Variants in TENM3 observed in about 807,000 individuals in gnomAD.
TENM3 encodes the protein teneurin transmembrane protein 3, also known as teneurin-3.
In TENM3, 63 loss-of-function variants were observed where a neutral mutation model predicts 255.1. That is an observed-to-expected ratio of 0.25 (90% confidence interval 0.20 to 0.30). The LOEUF (loss-of-function observed/expected upper bound fraction) is 0.30. Ranked by LOEUF, TENM3 falls within the 10% of genes least tolerant of loss-of-function variation. The probability of loss-of-function intolerance (pLI) is 1.00; values close to 1 mark genes in which losing one functional copy is unlikely to be tolerated. For missense variants in TENM3, 2,929 were observed against 3,461.1 expected (o/e 0.85, Z 3.86); for synonymous variants, 1,306 against 1,322.3 (o/e 0.99, Z 0.27).
Position 182,189,962 on chromosome 4 carries a change from T to C in TENM3, c.-76+45208T>C, listed in dbSNP as rs912755017. Among the ~76,000 whole-genome samples the C allele has an allele frequency of 3.3e-5, 5 of 152,226 alleles. No homozygotes were observed. The East Asian group carries it at 9.6e-4, about 29-fold the overall frequency. ...TTAGGGTGGTTTTTGTTTGCTTGTT[T>C]TGTTTTGGGAATTCTAATTTTCTTA... is the stretch of plus-strand genomic sequence containing the variant. On this transcript the variant is annotated intron_variant, in intron 1 of 2. Transcript: ENST00000512480.
the TENM3 span, among the ~76,000 whole-genome samples, chr4:181,512,805 A>G: frequency 6.6e-6 from 1 of 152,218 alleles, no homozygotes; most frequent in African/African-American, 2.4e-5. Context: ...TCCAGTTCCT[A>G]TGTAATGCAT....
At chr4:182,605,507 A>C (rs1748329721) in intron 4 of TENM3, among the ~76,000 whole-genome samples, 2 of 151,930 alleles carry the variant, frequency 1.3e-5, no homozygotes, top group South Asian at 2.1e-4. Context: ...AAAAAGGGAA[A>C]GTCAACTTAA....
chr4:182,521,682 T>A (rs932941025), intron 3 of TENM3, among the ~76,000 whole-genome samples: 3 of 152,230 alleles, frequency 2.0e-5, no homozygotes, highest in African/African-American at 7.2e-5. Flanking sequence ...CATTTATTTT[T>A]AAATAATTCC....
intron 3 of TENM3, among the ~76,000 whole-genome samples, chr4:182,356,862 C>T (rs1765581523): frequency 1.5e-5 from 2 of 133,620 alleles, no homozygotes; most frequent in Non-Finnish European, 3.2e-5. Context: ...TGCTCTCCCT[C>T]CTCCCTCCCC....
the TENM3 span, among the ~76,000 whole-genome samples, chr4:181,671,426 T>C: frequency 6.6e-6 from 1 of 152,152 alleles, no homozygotes; most frequent in African/African-American, 2.4e-5. Flanking sequence ...CAGAGTGTGA[T>C]CTTGAGAGCA....
the TENM3 span, among the ~76,000 whole-genome samples, chr4:181,948,980 C>T: frequency 2.0e-5 from 3 of 151,718 alleles, no homozygotes; most frequent in African/African-American, 7.3e-5. Flanking sequence ...AATATGTGCA[C>T]AGGACTCTCA....
rs1352161427 is a variant in TENM3, at chr4:182,628,721, G to T, written c.820G>T (p.Ala274Ser). Residue 274 changes from alanine (A) to serine (S), a missense_variant, in exon 5 of 28, where the codon GCA becomes TCA. Physicochemically the swap from Ala to Ser is moderately conservative, Grantham distance 99 (BLOSUM62 1). Coordinates refer to ENST00000511685, the MANE Select transcript of TENM3 (RefSeq NM_001080477.4). ...FSTATPGYTM[A>S]SGSVYSPPTR... ...TACTGCAACCCCAGGATACACAATG[G>T]CATCTGGCTCTGTTTATTCACCACC... 2 of 1,608,844 alleles carry T rather than the reference G, an allele frequency of 1.2e-6. No individual in the cohort carries two copies. The highest frequency in any genetic ancestry group is 1.7e-6 in the Non-Finnish European group (2 of 1,177,560).
At chr4:182,665,939 G>A (rs533925378) in intron 6 of TENM3, among the ~76,000 whole-genome samples, 23 of 152,134 alleles carry the variant, frequency 1.5e-4, no homozygotes, top group Middle Eastern at 3.4e-3. Flanking sequence ...CATTCTAGAT[G>A]CTATTAAGAA....
chr4:182,349,364 C>G (rs564311999), intron 3 of TENM3, among the ~76,000 whole-genome samples: 1 of 152,240 alleles, frequency 6.6e-6, no homozygotes, highest in Non-Finnish European at 1.5e-5. Flanking sequence ...TCCATAGGAA[C>G]TTTTCAGATT....
At chr4:181,767,058 C>T in the TENM3 span, among the ~76,000 whole-genome samples, 1 of 135,124 alleles carries the variant, frequency 7.4e-6, no homozygotes, top group Non-Finnish European at 1.6e-5. Context: ...CAAGACCATT[C>T]TGGCTAACAA....
At chr4:182,377,244 CTCTT>C (rs1767234633) in intron 3 of TENM3, among the ~76,000 whole-genome samples, 2 of 152,310 alleles carry the variant, frequency 1.3e-5, no homozygotes, top group Admixed American at 6.5e-5. Context: ...TTTTCAAACT[CTCTT>C]TGTTCAACAA....
intron 3 of TENM3, among the ~76,000 whole-genome samples, chr4:182,576,354 G>C (rs934114318): frequency 3.9e-5 from 6 of 152,132 alleles, no homozygotes; most frequent in African/African-American, 1.4e-4. Flanking sequence ...ACAAAGAAAG[G>C]TTTTGCTATT....
chr4:182,659,785 A>T (rs373123376), intron 6 of TENM3, among the ~76,000 whole-genome samples: 30 of 152,184 alleles, frequency 2.0e-4, no homozygotes, highest in African/African-American at 6.8e-4. Context: ...AAGCCCCTTC[A>T]GTGACCTAGA....
At chr4:181,904,267 T>C in the TENM3 span, among the ~76,000 whole-genome samples, 55 of 152,012 alleles carry the variant, frequency 3.6e-4, no homozygotes, top group Non-Finnish European at 7.4e-4. Flanking sequence ...CCCCTGACTC[T>C]CTCGTGCTTC....
At chr4:182,066,590 T>TAA in the TENM3 span, among the ~76,000 whole-genome samples, 76 of 136,324 alleles carry the variant, frequency 5.6e-4, 2 homozygotes, top group African/African-American at 2.0e-3. Flanking sequence ...AGAATTATGG[T>TAA]AAAAAAAAAA....
the TENM3 span, among the ~76,000 whole-genome samples, chr4:181,878,982 G>T: frequency 6.6e-6 from 1 of 152,240 alleles, no homozygotes; most frequent in South Asian, 2.1e-4. Context: ...GAAGGGTAGA[G>T]TTCTAGTCTA....
chr4:181,888,494 G>GTATATATATGTGTA, the TENM3 span, among the ~76,000 whole-genome samples: 33 of 28,240 alleles, frequency 1.2e-3, 2 homozygotes, highest in Non-Finnish European at 1.2e-3. Context: ...ATAGAAATGT[G>GTATATATATGTGTA]TATATATATA....
chr4:182,392,963 G>A (rs11935533), intron 3 of TENM3, among the ~76,000 whole-genome samples: 1 of 152,078 alleles, frequency 6.6e-6, no homozygotes, highest in Non-Finnish European at 1.5e-5. Context: ...GATGAGATTT[G>A]TGAGTATCTG....
intron 1 of TENM3, among the ~76,000 whole-genome samples, chr4:182,145,779 C>T (rs552559213): frequency 1.3e-5 from 2 of 152,168 alleles, no homozygotes; most frequent in Non-Finnish European, 2.9e-5. Flanking sequence ...CTGGGATGCC[C>T]GAGAACAGGA....
Sources: gnomAD v4.1 joint callset for allele counts (sites outside exome capture counted in the v4.1 genomes callset) on GRCh38, gnomAD v4.1.1 for gene constraint, MANE v1.5 for transcripts, NCBI Gene and HGNC (gene_info 2026-07-23, HGNC 2026-07-21) for gene names.